The following UNC13C variants were observed in gnomAD, a reference collection of about 807,000 sequenced individuals.
UNC13C encodes unc-13 homolog C, also known as protein unc-13 homolog C.
UNC13C carries 174 observed loss-of-function variants against 245.4 expected under a neutral mutation model. The observed-to-expected ratio is 0.71, with a 90% CI of 0.63 to 0.80. The LOEUF is 0.80. UNC13C is among the 30% of genes least tolerant of loss of function. UNC13C has a pLI of 0.00. For synonymous variants in UNC13C, 992 were observed against 895.1 expected (o/e 1.11, Z -1.93); for missense variants, 2,829 against 2,602.9 (o/e 1.09, Z -1.89).
At chr15:54,340,485 G>C (rs2038702735) in intron 17 of UNC13C, among the ~76,000 whole-genome samples, 1 of 152,150 alleles carries the variant, frequency 6.6e-6, no homozygotes. Flanking sequence ...TGAAGATCCA[G>C]TTTCATTTTC....
intron 30 of UNC13C, among the ~76,000 whole-genome samples, chr15:54,588,876 C>G (rs993345988): frequency 2.0e-5 from 3 of 152,150 alleles, no homozygotes; most frequent in African/African-American, 7.2e-5. Context: ...TCTTTATCCA[C>G]TCGTTGATTG....
intron 19 of UNC13C, among the ~76,000 whole-genome samples, chr15:54,448,389 T>A (rs1283095737): frequency 6.6e-6 from 1 of 152,174 alleles, no homozygotes; most frequent in Non-Finnish European, 1.5e-5. Flanking sequence ...AAGTTTCCCA[T>A]TATTATTGTT....
chr15:54,543,637 C>T (rs1023851603), intron 26 of UNC13C, among the ~76,000 whole-genome samples: 1 of 152,082 alleles, frequency 6.6e-6, no homozygotes, highest in African/African-American at 2.4e-5. Context: ...CACAGAAATA[C>T]AAACTACCTT....
intron 2 of UNC13C, among the ~76,000 whole-genome samples, chr15:54,114,583 C>G (rs2030088935): frequency 6.6e-6 from 1 of 152,100 alleles, no homozygotes; most frequent in Non-Finnish European, 1.5e-5. Context: ...CAAAACTTAT[C>G]CATTCCCTAT....
intron 30 of UNC13C, among the ~76,000 whole-genome samples, chr15:54,602,487 T>C (rs1233392374): frequency 1.3e-5 from 2 of 152,218 alleles, no homozygotes; most frequent in Admixed American, 6.5e-5. Context: ...TATTTAGAGA[T>C]GATCAGTAGA....
chr15:54,081,630 C>T (rs889003982), intron 2 of UNC13C, among the ~76,000 whole-genome samples: 3 of 151,462 alleles, frequency 2.0e-5, no homozygotes, highest in Admixed American at 1.3e-4. Flanking sequence ...CTTCGCTTTC[C>T]ATTTGCATGA....
At chr15:53,891,076 T>A in the UNC13C span, among the ~76,000 whole-genome samples, 1 of 152,190 alleles carries the variant, frequency 6.6e-6, no homozygotes, top group Non-Finnish European at 1.5e-5. Flanking sequence ...TTTGTTCCCA[T>A]TGGTTTCAAG....
chr15:54,438,919 G>T (rs1347350129), intron 19 of UNC13C, among the ~76,000 whole-genome samples: 7 of 151,902 alleles, frequency 4.6e-5, no homozygotes, highest in African/African-American at 1.7e-4. Context: ...ACCTTGTGTT[G>T]TTTGTAAATA....
rs1342990461 is a variant in UNC13C at position 54,015,368 on chromosome 15, A to G, written c.2465A>G (p.Tyr822Cys). The G allele has an allele frequency of 6.2e-7, 1 of 1,613,740 alleles. No homozygotes were observed. Among genetic ancestry groups the G allele is most frequent in the African/African-American group, 1.3e-5 (1 of 74,930 alleles). ...AAAAGCACACAGAGTCTGAGTGGGT[A>G]TGAGGACAGTGGCTCTTCATTAATG... ...WNKSTQSLSG[Y>C]EDSGSSLMGR... The change falls in exon 2 of 33, where the codon TAT becomes TGT. Residue 822 changes from tyrosine (Y) to cysteine (C), a missense_variant. Transcript: ENST00000260323.
At chr15:54,258,900 C>A (rs966827063) in intron 8 of UNC13C, among the ~76,000 whole-genome samples, 5 of 152,120 alleles carry the variant, frequency 3.3e-5, no homozygotes, top group African/African-American at 4.8e-5. Context: ...GTTTCAGCTG[C>A]ATAAGAAAGT....
chr15:54,190,159 C>G (rs2034134961), intron 4 of UNC13C, among the ~76,000 whole-genome samples: 1 of 152,082 alleles, frequency 6.6e-6, no homozygotes, highest in African/African-American at 2.4e-5. Context: ...AATACTCTTA[C>G]CTCCATTAGG....
chr15:53,924,029 C>T, the UNC13C span, among the ~76,000 whole-genome samples: 2 of 152,078 alleles, frequency 1.3e-5, no homozygotes, highest in East Asian at 3.9e-4. Flanking sequence ...ATGGTGAAAC[C>T]CCATCTCTAC....
chr15:54,598,486 G>A (rs974355068), intron 30 of UNC13C, among the ~76,000 whole-genome samples: 3 of 152,244 alleles, frequency 2.0e-5, no homozygotes, highest in Middle Eastern at 3.4e-3. Context: ...GAGATAGTTC[G>A]ATGCTCTCCA....
At chr15:54,351,244 C>A (rs2038975963) in intron 17 of UNC13C, among the ~76,000 whole-genome samples, 1 of 152,076 alleles carries the variant, frequency 6.6e-6, no homozygotes, top group Non-Finnish European at 1.5e-5. Flanking sequence ...ACAGGATATC[C>A]AGTGAAGTGC....
chr15:54,583,190 A>G (rs1898286726), intron 30 of UNC13C, among the ~76,000 whole-genome samples: 1 of 152,192 alleles, frequency 6.6e-6, no homozygotes, highest in Admixed American at 6.5e-5. Context: ...ATTCAGGGTA[A>G]CTTGTTGACT....
intron 5 of UNC13C, 86 bp downstream of exon 5, chr15:54,235,194 A>G (rs1027718937): frequency 2.7e-6 from 3 of 1,127,590 alleles, no homozygotes; most frequent in Non-Finnish European, 1.3e-6. Context: ...TTCACTGTCT[A>G]GCCTGTAAAT....
intron 2 of UNC13C, chr15:54,049,429 T>C (rs1897180449): frequency 4.1e-6 from 2 of 489,686 alleles, no homozygotes; most frequent in South Asian, 3.1e-5. Flanking sequence ...ATTCCAGTTC[T>C]TTGTGGAGAC....
chr15:54,276,189 T>C (rs528799813), intron 10 of UNC13C, among the ~76,000 whole-genome samples: 5 of 152,260 alleles, frequency 3.3e-5, no homozygotes, highest in South Asian at 2.1e-4. Flanking sequence ...GGAGAAACTT[T>C]TGAAATACAA....
chr15:54,484,288 TC>T (rs1893291540), intron 19 of UNC13C, among the ~76,000 whole-genome samples: 1 of 152,184 alleles, frequency 6.6e-6, no homozygotes, highest in African/African-American at 2.4e-5. Context: ...TTTGAAAATT[TC>T]CCCTAGGTCC....
Sources: allele counts gnomAD v4.1 joint callset (sites outside exome capture counted in the v4.1 genomes callset), GRCh38; gene constraint gnomAD v4.1.1; transcripts MANE v1.5; gene names NCBI Gene and HGNC (gene_info 2026-07-23, HGNC 2026-07-21).